Variants in NPRL3 observed in about 807,000 individuals in gnomAD.
NPRL3 encodes NPR3 like, GATOR1 complex subunit.
Under a neutral mutation model 57.2 loss-of-function variants are expected in NPRL3, and 23 were observed. The observed-to-expected ratio is 0.40, with a 90% CI of 0.29 to 0.57. NPRL3 has a LOEUF of 0.57. Among genes scored for constraint, NPRL3 ranks in the 20% least tolerant of loss-of-function variants. NPRL3 has a pLI of 0.42. For synonymous variants in NPRL3, 333 were observed against 321.1 expected, an observed-to-expected ratio of 1.04 and a Z score of -0.39; for missense variants, 691 against 767.1, an observed-to-expected ratio of 0.90 and a Z score of 1.17.
chr16:136,027 C>T (rs1281299271), intron 2 of NPRL3, among the ~76,000 whole-genome samples: 1 of 152,180 alleles, frequency 6.6e-6, no homozygotes, highest in Non-Finnish European at 1.5e-5. Flanking sequence ...TATAATTTTT[C>T]ACCTACCAGA....
intron 4 of NPRL3, among the ~76,000 whole-genome samples, chr16:118,274 T>C (rs866169460): frequency 1.3e-5 from 2 of 152,224 alleles, no homozygotes; most frequent in South Asian, 4.1e-4. Flanking sequence ...CCTGCCTGTA[T>C]GCAGAGAGCT....
intron 9 of NPRL3, among the ~76,000 whole-genome samples, chr16:95,504 T>G (rs745586200): frequency 6.6e-6 from 1 of 152,210 alleles, no homozygotes; most frequent in Non-Finnish European, 1.5e-5. Context: ...TGTAACATAC[T>G]AATTTTATCA....
chr16:96,593 T>C (rs1899016031), intron 9 of NPRL3, among the ~76,000 whole-genome samples: 1 of 148,808 alleles, frequency 6.7e-6, no homozygotes, highest in Admixed American at 6.7e-5. Context: ...CGATGATCAC[T>C]TGAGCCCAGG....
chr16:112,578 C>A, intron 6 of NPRL3, 44 bp downstream of exon 6: 3 of 1,449,532 alleles, frequency 2.1e-6, no homozygotes, highest in Non-Finnish European at 2.8e-6. Context: ...AGAGAGGCCA[C>A]CAGCCAGCCC....
Position 85,637 on chromosome 16 carries a change from G to A in NPRL3, c.*1068C>T, listed in dbSNP as rs1253428549. On this transcript the variant is annotated 3_prime_UTR_variant, in exon 14 of 14. Coordinates refer to ENST00000611875, the MANE Select transcript of NPRL3 (RefSeq NM_001077350.3). ...GGAGCGTGGTCCCCTGGAGCCCAGT[G>A]AGCCGGCTGTAGTGGCAGCAGCCCG... 3.1e-6 allele frequency: 5 copies of A among 1,594,706 alleles called. No homozygotes were observed. In the Admixed American group the frequency reaches 6.8e-5, roughly 22 times the overall value.
chr16:110,458 C>A (rs1476921587), intron 7 of NPRL3, 67 bp downstream of exon 7: 3 of 1,307,848 alleles, frequency 2.3e-6, no homozygotes, highest in Non-Finnish European at 3.3e-6. Context: ...CCTGTTGACG[C>A]TGCTCCTCAG....
chr16:103,296 A>ACTTTTTTTT, intron 7 of NPRL3, among the ~76,000 whole-genome samples: 1 of 42,110 alleles, frequency 2.4e-5, no homozygotes, highest in Non-Finnish European at 4.1e-5. Context: ...GCCTGGGGTG[A>ACTTTTTTTT]TTTTTTTTTT....
rs1286737874 is a variant in NPRL3 at position 116,943 on chromosome 16, C to G, written c.393+358G>C. On this transcript the variant is annotated intron_variant, in intron 5 of 13. Coordinates refer to ENST00000611875, the MANE Select transcript of NPRL3 (RefSeq NM_001077350.3). ...TGAGCCAAGATTGCGCTACTACACTCCAGCCTGGGTGACACAGCGAGATTC... is the reference window on the plus strand; with the variant it reads ...TGAGCCAAGATTGCGCTACTACACTGCAGCCTGGGTGACACAGCGAGATTC... 4.0e-5 allele frequency among the ~76,000 whole-genome samples: 6 copies of G among 150,808 alleles called. 1 individual carries two copies. In the Admixed American group the frequency reaches 4.0e-4, roughly 10 times the overall value.
At chr16:131,403 C>T (rs1270976566) in intron 2 of NPRL3, among the ~76,000 whole-genome samples, 1 of 130,300 alleles carries the variant, frequency 7.7e-6, no homozygotes, top group Admixed American at 7.4e-5. Context: ...GGTGTGAACC[C>T]GGGAAGCAGA....
intron 13 of NPRL3, among the ~76,000 whole-genome samples, chr16:87,896 C>T (rs1215996509): frequency 1.3e-5 from 2 of 149,596 alleles, no homozygotes; most frequent in African/African-American, 2.5e-5. Context: ...TTAATGTCAC[C>T]ATCATTTGGA....
At chr16:114,701 C>G (rs1899954475) in intron 5 of NPRL3, among the ~76,000 whole-genome samples, 1 of 152,134 alleles carries the variant, frequency 6.6e-6, no homozygotes, top group African/African-American at 2.4e-5. Context: ...CTTCAATGGA[C>G]CAGGTACTAG....
At chr16:89,451 C>T (rs1353956884) in intron 12 of NPRL3, 2 of 464,282 alleles carry the variant, frequency 4.3e-6, no homozygotes, top group African/African-American at 4.1e-5. Context: ...GCAGAGATTC[C>T]AGCACTGATT....
intron 7 of NPRL3, among the ~76,000 whole-genome samples, chr16:103,295 G>GTTTTTTTTTTT (rs1331235205): frequency 6.3e-5 from 1 of 15,906 alleles, no homozygotes; most frequent in Non-Finnish European, 1.4e-4. Context: ...CGCCTGGGGT[G>GTTTTTTTTTTT]ATTTTTTTTT....
At chr16:111,144 A>C (rs1009108503) in intron 6 of NPRL3, among the ~76,000 whole-genome samples, 6 of 152,234 alleles carry the variant, frequency 3.9e-5, no homozygotes, top group Admixed American at 3.3e-4. Context: ...TCACACCTGT[A>C]ATCCCAGCAC....
intron 3 of NPRL3, among the ~76,000 whole-genome samples, chr16:123,109 C>T (rs1054343887): frequency 2.6e-5 from 4 of 152,072 alleles, no homozygotes; most frequent in Non-Finnish European, 5.9e-5. Flanking sequence ...AAAATAAAAA[C>T]AAGGAGCAAC....
At chr16:133,041 A>T (rs1306566866) in intron 2 of NPRL3, among the ~76,000 whole-genome samples, 1 of 152,052 alleles carries the variant, frequency 6.6e-6, no homozygotes, top group Admixed American at 6.6e-5. Flanking sequence ...CTAGCTTCCA[A>T]CTTTTCTTCT....
chr16:127,585 ATAT>A, intron 3 of NPRL3, among the ~76,000 whole-genome samples: 1 of 152,140 alleles, frequency 6.6e-6, no homozygotes, highest in South Asian at 2.1e-4. Flanking sequence ...GAACCATTTA[ATAT>A]GGTAGACACT....
chr16:138,058 A>C, intron 2 of NPRL3, 92 bp downstream of exon 2: 1 of 899,242 alleles, frequency 1.1e-6, no homozygotes, highest in East Asian at 2.7e-5. Context: ...TGCCCAGCAA[A>C]AGCTAAGCTC....
At chr16:132,668 C>CTTTT (rs869062857) in intron 2 of NPRL3, among the ~76,000 whole-genome samples, 6 of 120,282 alleles carry the variant, frequency 5.0e-5, no homozygotes, top group Non-Finnish European at 6.8e-5. Flanking sequence ...AATTGTATTT[C>CTTTT]TTTTTTTTTT....
Sources: gnomAD v4.1 joint callset for allele counts (sites outside exome capture counted in the v4.1 genomes callset) on GRCh38, gnomAD v4.1.1 for gene constraint, MANE v1.5 for transcripts, NCBI Gene and HGNC (gene_info 2026-07-23, HGNC 2026-07-21) for gene names.